Variants in HDAC9 observed in about 807,000 individuals in gnomAD.
HDAC9 encodes the protein histone deacetylase 9.
HDAC9 carries 41 observed loss-of-function variants against 139.4 expected under a neutral mutation model. That is an observed-to-expected ratio of 0.29 (90% confidence interval 0.23 to 0.38). The LOEUF is 0.38. Ranked by LOEUF, HDAC9 falls within the 10% of genes least tolerant of loss-of-function variation. HDAC9 has a pLI of 1.00. For synonymous variants in HDAC9, 517 were observed against 476.2 expected (o/e 1.09, Z -1.12); for missense variants, 1,147 against 1,297.0 (o/e 0.88, Z 1.78).
At chr7:18,168,035 T>A (rs1318236563) in intron 2 of HDAC9, among the ~76,000 whole-genome samples, 1 of 152,230 alleles carries the variant, frequency 6.6e-6, no homozygotes, top group Non-Finnish European at 1.5e-5. Flanking sequence ...AAGAGTTGCC[T>A]AAGCCTTTGT....
intron 15 of HDAC9, 24 bp from the exon 16 acceptor site, chr7:18,767,082 T>C (rs773514708): frequency 8.7e-6 from 11 of 1,266,816 alleles, no homozygotes; most frequent in Admixed American, 2.6e-5. Context: ...TTATCTATAT[T>C]TTTTATGTCT....
intron 2 of HDAC9, among the ~76,000 whole-genome samples, chr7:18,185,952 T>C (rs1789881791): frequency 6.6e-6 from 1 of 152,218 alleles, no homozygotes; most frequent in Non-Finnish European, 1.5e-5. Context: ...ATATCACATA[T>C]TGCTGAATTG....
chr7:18,133,825 G>A (rs1377658774), intron 1 of HDAC9, among the ~76,000 whole-genome samples: 1 of 151,994 alleles, frequency 6.6e-6, no homozygotes, highest in Non-Finnish European at 1.5e-5. Context: ...GCTATGGGAA[G>A]CATGCAACAT....
At chr7:18,278,523 T>C (rs1163801578) in intron 2 of HDAC9, among the ~76,000 whole-genome samples, 1 of 152,210 alleles carries the variant, frequency 6.6e-6, no homozygotes, top group Non-Finnish European at 1.5e-5. Flanking sequence ...TGGAGTCTCA[T>C]ATTTAATATA....
intron 17 of HDAC9, among the ~76,000 whole-genome samples, chr7:18,817,038 G>GTTT (rs11308990): frequency 7.1e-6 from 1 of 140,436 alleles, no homozygotes; most frequent in Non-Finnish European, 1.6e-5. Flanking sequence ...GAAGTTTTTT[G>GTTT]TTTTTTTTTT....
intron 1 of HDAC9, among the ~76,000 whole-genome samples, chr7:18,311,262 TTTG>T (rs1194066213): frequency 2.6e-5 from 4 of 152,058 alleles, no homozygotes; most frequent in African/African-American, 9.7e-5. Flanking sequence ...CCTTTAACCT[TTTG>T]AACATAACCC....
chr7:18,478,523 A>G (rs1222336954), intron 1 of HDAC9, among the ~76,000 whole-genome samples: 2 of 152,198 alleles, frequency 1.3e-5, no homozygotes, highest in African/African-American at 4.8e-5. Flanking sequence ...GTAATTTCTC[A>G]CTGTTGATAA....
At chr7:18,905,961 TTCCTTCCTTCCTTCTC>T (rs1490939814) in intron 22 of HDAC9, among the ~76,000 whole-genome samples, 67 of 150,964 alleles carry the variant, frequency 4.4e-4, no homozygotes, top group African/African-American at 1.2e-3. Context: ...CCTTCATTCC[TTCCTTCCTTCCTTCTC>T]TCCTTCCTTC....
intron 15 of HDAC9, among the ~76,000 whole-genome samples, chr7:18,765,790 T>G (rs1789783411): frequency 6.6e-6 from 1 of 152,144 alleles, no homozygotes; most frequent in Non-Finnish European, 1.5e-5. Flanking sequence ...AAAACTTTAC[T>G]CCTCCCCCAA....
At chr7:18,190,291 G>C (rs1790250315) in intron 2 of HDAC9, among the ~76,000 whole-genome samples, 1 of 152,088 alleles carries the variant, frequency 6.6e-6, no homozygotes, top group African/African-American at 2.4e-5. Flanking sequence ...TTTTGGGCAT[G>C]TATACATAGA....
At chr7:18,168,350 T>C (rs1009071777) in intron 2 of HDAC9, among the ~76,000 whole-genome samples, 16 of 152,220 alleles carry the variant, frequency 1.1e-4, no homozygotes, top group African/African-American at 3.6e-4. Flanking sequence ...ATACAGTGGT[T>C]GATAAATACT....
At chr7:18,732,856 TGTGC>T (rs1786349940) in intron 13 of HDAC9, among the ~76,000 whole-genome samples, 1 of 108,350 alleles carries the variant, frequency 9.2e-6, no homozygotes, top group African/African-American at 4.2e-5. Flanking sequence ...CGTGTGTATG[TGTGC>T]GTATGTGTAC....
chr7:18,343,255 C>A (rs112490183), intron 1 of HDAC9, among the ~76,000 whole-genome samples: 2 of 151,834 alleles, frequency 1.3e-5, no homozygotes, highest in African/African-American at 4.8e-5. Flanking sequence ...CACTGGAACA[C>A]ATTTCACCGT....
chr7:18,150,314 G>A lies in HDAC9; in HGVS notation c.-96-11915G>A, dbSNP rs1786679234. Reference sequence around the variant, plus strand: ...TATATAGGCCGCAATTGAGAACTGTGTAATTTAAAGAGTGATGGGTTTATA... The same window carrying A: ...TATATAGGCCGCAATTGAGAACTGTATAATTTAAAGAGTGATGGGTTTATA... On this transcript the variant is annotated intron_variant, in intron 1 of 12. Transcript: ENST00000417496. Among the ~76,000 whole-genome samples, 4 of 151,904 alleles carry A rather than the reference G, an allele frequency of 2.6e-5. No individual in the cohort carries two copies. In the South Asian group the frequency reaches 6.2e-4, roughly 24 times the overall value.
chr7:18,166,850 G>T (rs1180371480), intron 2 of HDAC9, among the ~76,000 whole-genome samples: 1 of 152,186 alleles, frequency 6.6e-6, no homozygotes, highest in Non-Finnish European at 1.5e-5. Context: ...TAATGTCCAA[G>T]TGGGTATTTT....
At chr7:18,355,246 C>G (rs1231560354) in intron 1 of HDAC9, among the ~76,000 whole-genome samples, 1 of 152,052 alleles carries the variant, frequency 6.6e-6, no homozygotes, top group East Asian at 1.9e-4. Context: ...AAATTAAGTA[C>G]CCTTCTCAGG....
In HDAC9 at chr7:18,495,997, A is replaced by C; in HGVS notation, c.-68A>C. The C allele has an allele frequency of 4.3e-6, 6 of 1,403,486 alleles. No homozygotes were observed. The highest frequency in any genetic ancestry group is 5.5e-6 in the Non-Finnish European group (6 of 1,082,258). 86.9% of individuals were successfully genotyped at this position (1,403,486 alleles called of 1,614,324 possible). A position where few individuals can be genotyped will look rare whatever the true frequency, so the allele number is the denominator to read the frequency against. ...TAAACTCCAGAGAGCTATAGCATCC[A>C]CTCTGTCCTTTCTGCTTTGCACACA... On this transcript the variant is annotated 5_prime_UTR_variant, in exon 1 of 26. Coordinates refer to ENST00000686413, the MANE Select transcript of HDAC9 (RefSeq NM_178425.4).
At chr7:18,099,571 C>T (rs1333834702) in intron 1 of HDAC9, among the ~76,000 whole-genome samples, 1 of 152,178 alleles carries the variant, frequency 6.6e-6, no homozygotes, top group Non-Finnish European at 1.5e-5. Context: ...TTACTTACTG[C>T]TTTTCTCTGT....
chr7:18,241,511 TG>T (rs1794186777), intron 2 of HDAC9, among the ~76,000 whole-genome samples: 1 of 152,214 alleles, frequency 6.6e-6, no homozygotes, highest in South Asian at 2.1e-4. Flanking sequence ...GCTGCCTCTT[TG>T]TTGTTTTCAC....
Sources: allele counts gnomAD v4.1 joint callset (sites outside exome capture counted in the v4.1 genomes callset), GRCh38; gene constraint gnomAD v4.1.1; transcripts MANE v1.5; gene names NCBI Gene and HGNC (gene_info 2026-07-23, HGNC 2026-07-21).